The following DYRK1A variants were observed in gnomAD, a reference collection of about 807,000 sequenced individuals.
The protein encoded by DYRK1A is dual specificity tyrosine-phosphorylation-regulated kinase 1A.
A neutral mutation model predicts 79.7 loss-of-function variants in DYRK1A; 9 were observed. That is an observed-to-expected ratio of 0.11 (90% confidence interval 0.07 to 0.20). The LOEUF is 0.20. Ranked by LOEUF, DYRK1A falls within the 10% of genes least tolerant of loss-of-function variation. DYRK1A has a pLI of 1.00. For missense variants in DYRK1A, 622 were observed against 956.0 expected (o/e 0.65, Z 4.61); for synonymous variants, 349 against 329.7 (o/e 1.06, Z -0.63).
intron 1 of DYRK1A, among the ~76,000 whole-genome samples, chr21:37,370,971 G>T (rs937067602): frequency 2.0e-5 from 3 of 152,148 alleles, no homozygotes; most frequent in Admixed American, 6.5e-5. Flanking sequence ...ATGTTATCTT[G>T]ACTGTTGGGC....
Position 37,439,846 on chromosome 21 carries a change from C to T in DYRK1A, c.10+19462C>T, listed in dbSNP as rs183989140. ...TGTCAAATGTTTTTTCTGCATCTCC[C>T]GAGATTACCACATGGTTTTTATTTT... On this transcript the variant is annotated intron_variant, in intron 2 of 11. Coordinates refer to ENST00000647188, the MANE Select transcript of DYRK1A (RefSeq NM_001347721.2). Among the ~76,000 whole-genome samples, 4 of 152,068 alleles carry T rather than the reference C, an allele frequency of 2.6e-5. No homozygotes were observed. In the East Asian group the frequency reaches 5.8e-4, roughly 22 times the overall value.
chr21:37,437,488 C>T (rs951013250), intron 2 of DYRK1A, among the ~76,000 whole-genome samples: 7 of 152,154 alleles, frequency 4.6e-5, no homozygotes, highest in African/African-American at 1.4e-4. Context: ...AATTGGCCTA[C>T]AGTAAACTTC....
chr21:37,514,809 A>G lies in DYRK1A; in HGVS notation c.*2278A>G, dbSNP rs1406081291. The G allele has an allele frequency of 3.3e-5, 5 of 152,652 alleles. No homozygotes were observed. Among genetic ancestry groups the G allele is most frequent in the African/African-American group, 9.6e-5 (4 of 41,454 alleles). The allele number at this position is 152,652 out of a possible 1,614,324, so 9.5% of individuals were successfully genotyped here. A position where few individuals can be genotyped will look rare whatever the true frequency, so the allele number is the denominator to read the frequency against. On this transcript the variant is annotated 3_prime_UTR_variant, in exon 12 of 12. Transcript: ENST00000647188. ...AGTAGTTACTGCTGTTTAGGAATAT[A>G]AGGTTAAGATATCATATGGGTCAGG...
rs1042244117 is a variant in DYRK1A, at chr21:37,516,355, G to A, written c.*3824G>A. ...TGCTAGGGATGTCTGTTGACCAGAC[G>A]TTGGAAAACCTTTGGTGTCAGGGAG... On this transcript the variant is annotated 3_prime_UTR_variant, in exon 12 of 12. Transcript: ENST00000647188. 4.6e-5 allele frequency: 7 copies of A among 152,298 alleles called. No individual in the cohort carries two copies. Among genetic ancestry groups the A allele is most frequent in the Admixed American group, 1.3e-4 (2 of 15,302 alleles). 9.4% of individuals were successfully genotyped at this position (152,298 alleles called of 1,614,324 possible).
At chr21:37,446,740 T>C (rs1175673898) in intron 2 of DYRK1A, among the ~76,000 whole-genome samples, 6 of 152,074 alleles carry the variant, frequency 3.9e-5, no homozygotes, top group Non-Finnish European at 8.8e-5. Context: ...ACACAGTGAG[T>C]TAGTAGATCT....
chr21:37,472,531 G>A (rs562692735), intron 2 of DYRK1A, among the ~76,000 whole-genome samples, 153 bp from the exon 3 acceptor site: 6 of 152,212 alleles, frequency 3.9e-5, no homozygotes, highest in African/African-American at 1.4e-4. Flanking sequence ...AAACATAACT[G>A]TTGTGTTGAG....
At chr21:37,486,836 A>G in intron 6 of DYRK1A, 1 of 369,590 alleles carries the variant, frequency 2.7e-6, no homozygotes, top group Non-Finnish European at 4.8e-6. Context: ...GTAGAAACAA[A>G]TGAGAATAGT....
chr21:37,458,882 A>G (rs1237218472), intron 2 of DYRK1A, among the ~76,000 whole-genome samples: 1 of 152,136 alleles, frequency 6.6e-6, no homozygotes, highest in Non-Finnish European at 1.5e-5. Context: ...TAACTATCCT[A>G]CAGATGCCTC....
At chr21:37,381,008 C>T (rs1395096865) in intron 1 of DYRK1A, among the ~76,000 whole-genome samples, 4 of 152,192 alleles carry the variant, frequency 2.6e-5, no homozygotes, top group Non-Finnish European at 4.4e-5. Context: ...TCCTTCATAA[C>T]GCTTATTACA....
chr21:37,500,950 T>C lies in DYRK1A; in HGVS notation c.1213-4333T>C, dbSNP rs796212512. 3.3e-5 allele frequency among the ~76,000 whole-genome samples: 5 copies of C among 151,684 alleles called. 1 individual carries two copies. Among genetic ancestry groups the C allele is most frequent in the African/African-American group, 1.2e-4 (5 of 41,456 alleles). On this transcript the variant is annotated intron_variant, in intron 9 of 11. Coordinates refer to ENST00000647188, the MANE Select transcript of DYRK1A (RefSeq NM_001347721.2). ...ATTTCTTTTTTTTTTCTTTTCTTTT[T>C]CTATTCTTGATCTAGTTTCTATTCT...
At chr21:37,467,557 A>G (rs1006870983) in intron 2 of DYRK1A, among the ~76,000 whole-genome samples, 8 of 152,244 alleles carry the variant, frequency 5.3e-5, no homozygotes, top group African/African-American at 1.7e-4. Context: ...CATTTCAAAA[A>G]TCAATCAGCG....
intron 1 of DYRK1A, among the ~76,000 whole-genome samples, chr21:37,407,863 T>C (rs2050176293): frequency 6.6e-6 from 1 of 152,312 alleles, no homozygotes; most frequent in Admixed American, 6.5e-5. Context: ...GGAATCTGTC[T>C]CTATTGCCCA....
intron 1 of DYRK1A, among the ~76,000 whole-genome samples, chr21:37,403,132 A>G (rs1303347408): frequency 6.6e-6 from 1 of 151,760 alleles, no homozygotes; most frequent in East Asian, 1.9e-4. Flanking sequence ...CATCTTCAAT[A>G]TGCTGTTTAA....
chr21:37,499,077 T>C (rs537689707), intron 9 of DYRK1A, among the ~76,000 whole-genome samples: 64 of 152,290 alleles, frequency 4.2e-4, no homozygotes, highest in African/African-American at 1.5e-3. Flanking sequence ...TTTTCCTTTC[T>C]TAATATGGTA....
chr21:37,416,149 A>T (rs1382980155), intron 1 of DYRK1A, among the ~76,000 whole-genome samples: 1 of 152,042 alleles, frequency 6.6e-6, no homozygotes, highest in Non-Finnish European at 1.5e-5. Context: ...AAGTAACACT[A>T]CCTACTCGTA....
intron 1 of DYRK1A, among the ~76,000 whole-genome samples, chr21:37,385,548 A>G (rs941541442): frequency 6.6e-6 from 1 of 152,238 alleles, no homozygotes; most frequent in African/African-American, 2.4e-5. Flanking sequence ...AACCATGGAC[A>G]TGCCATGCCA....
chr21:37,373,549 C>T (rs957752715), intron 1 of DYRK1A, among the ~76,000 whole-genome samples: 8 of 152,158 alleles, frequency 5.3e-5, no homozygotes, highest in Non-Finnish European at 8.8e-5. Flanking sequence ...GGTGGCACCA[C>T]GATGTGAGGG....
intron 2 of DYRK1A, among the ~76,000 whole-genome samples, chr21:37,445,754 A>G (rs1010799380): frequency 6.6e-6 from 1 of 152,206 alleles, no homozygotes; most frequent in African/African-American, 2.4e-5. Flanking sequence ...ATCAAAGCCC[A>G]GCACCCTCTA....
At chr21:37,476,826 C>G (rs1050839476) in intron 3 of DYRK1A, among the ~76,000 whole-genome samples, 24 of 142,200 alleles carry the variant, frequency 1.7e-4, no homozygotes, top group Admixed American at 8.2e-4. Context: ...GTTCCCCCCC[C>G]CCCCAACCTT....
Sources: gnomAD v4.1 joint callset for allele counts (sites outside exome capture counted in the v4.1 genomes callset) on GRCh38, gnomAD v4.1.1 for gene constraint, MANE v1.5 for transcripts, NCBI Gene and HGNC (gene_info 2026-07-23, HGNC 2026-07-21) for gene names.